The following DCHS2 variants were observed in gnomAD, a reference collection of about 807,000 sequenced individuals.
DCHS2 encodes protocadherin-23.
A neutral mutation model predicts 182.4 loss-of-function variants in DCHS2; 142 were observed. That is an observed-to-expected ratio of 0.78 (90% confidence interval 0.68 to 0.89). The LOEUF is 0.89. Ranked by LOEUF, DCHS2 falls within the 40% of genes least tolerant of loss-of-function variation. The probability of loss-of-function intolerance (pLI) is 0.00; values close to 1 mark genes in which losing one functional copy is unlikely to be tolerated. For synonymous variants in DCHS2, 1,740 were observed against 1,663.3 expected, an observed-to-expected ratio of 1.05 and a Z score of -1.12; for missense variants, 4,319 against 4,198.6, an observed-to-expected ratio of 1.03 and a Z score of -0.79.
rs372781313 is a variant in DCHS2 at position 154,239,262 on chromosome 4, A to C, written c.7400T>G (p.Leu2467Arg). ...TTCTAAGTCTGTGGCTGACAGAGTC[A>C]GCACTGAATACCCCACAGGTATTGA... ...PESIPVGYSV[L>R]TLSATDLESN... Residue 2467 changes from leucine to arginine, a missense_variant, in exon 19 of 20, where the codon CTG (leucine) becomes CGG (arginine). Leu to Arg is a moderately radical substitution (Grantham distance 102). Coordinates refer to ENST00000357232, the MANE Select transcript of DCHS2 (RefSeq NM_001358235.2). 107 of 1,613,436 alleles carry C rather than the reference A, an allele frequency of 6.6e-5. No individual in the cohort carries two copies. The highest frequency in any genetic ancestry group is 8.6e-5 in the Non-Finnish European group (102 of 1,179,722).
At chr4:154,481,979 G>A (rs1222872174) in intron 1 of DCHS2, among the ~76,000 whole-genome samples, 1 of 152,174 alleles carries the variant, frequency 6.6e-6, no homozygotes, top group African/African-American at 2.4e-5. Flanking sequence ...TGGACTCTGA[G>A]ATCTGCATGT....
chr4:154,375,626 T>A (rs1487820513), intron 2 of DCHS2, among the ~76,000 whole-genome samples: 1 of 152,166 alleles, frequency 6.6e-6, no homozygotes, highest in African/African-American at 2.4e-5. Flanking sequence ...CCCAGTGTGA[T>A]ATATCATTAC....
At chr4:154,313,496 A>AT (rs964762172) in intron 10 of DCHS2, among the ~76,000 whole-genome samples, 4 of 152,150 alleles carry the variant, frequency 2.6e-5, no homozygotes, top group African/African-American at 4.8e-5. Flanking sequence ...ACACTGTGGT[A>AT]TTTTTTTAAA....
At chr4:154,332,018 C>T (rs1381876176) in intron 5 of DCHS2, among the ~76,000 whole-genome samples, 2 of 152,152 alleles carry the variant, frequency 1.3e-5, no homozygotes, top group African/African-American at 4.8e-5. Flanking sequence ...GAAATCTTAA[C>T]CAATGAATTG....
intron 8 of DCHS2, 117 bp from the exon 9 acceptor site, chr4:154,321,339 T>C: frequency 8.8e-7 from 1 of 1,135,052 alleles, no homozygotes; most frequent in Non-Finnish European, 1.2e-6. Flanking sequence ...CATATGTTAA[T>C]TAGTGAGAAA....
At chr4:154,291,109 G>T (rs75698111) in intron 13 of DCHS2, among the ~76,000 whole-genome samples, 2 of 152,026 alleles carry the variant, frequency 1.3e-5, no homozygotes, top group African/African-American at 4.8e-5. Flanking sequence ...CTAATAATCC[G>T]ATTAAAAAAT....
At chr4:154,279,030 A>T (rs186335258) in intron 13 of DCHS2, among the ~76,000 whole-genome samples, 62 of 152,312 alleles carry the variant, frequency 4.1e-4, no homozygotes, top group African/African-American at 1.4e-3. Flanking sequence ...AGATAAAAGA[A>T]TAAAAATATA....
chr4:154,278,346 G>A (rs1207224010), intron 13 of DCHS2, among the ~76,000 whole-genome samples: 8 of 151,962 alleles, frequency 5.3e-5, no homozygotes, highest in African/African-American at 1.9e-4. Flanking sequence ...ATGAAGAAAA[G>A]TGAAGGAAGC....
chr4:154,304,743 G>A lies in DCHS2; in HGVS notation c.5531C>T (p.Pro1844Leu), dbSNP rs1334991054. 4.3e-6 allele frequency: 7 copies of A among 1,614,024 alleles called. No homozygotes were observed. The highest frequency in any genetic ancestry group is 5.9e-6 in the Non-Finnish European group (7 of 1,179,972). The change falls in exon 12 of 20, where the codon CCA (proline) becomes CTA (leucine). Residue 1844 changes from proline (P) to leucine (L), a missense_variant. Pro to Leu is a moderately conservative substitution (Grantham distance 98). Coordinates refer to ENST00000357232, the MANE Select transcript of DCHS2 (RefSeq NM_001358235.2). ...YDIEVLENQE[P>L]EVVYTVLASD... is the part of the protein sequence containing the mutation. ...GGCTAAAACCGTATAGACAACCTCT[G>A]GTTCCTGGTTTTCCAGAACCTCAAT...
At chr4:154,266,518 T>A (rs1733271439) in intron 14 of DCHS2, among the ~76,000 whole-genome samples, 1 of 151,920 alleles carries the variant, frequency 6.6e-6, no homozygotes. Context: ...TACCTGGGTG[T>A]GGTGGCGCAT....
At chr4:154,372,196 G>T (rs1730677182) in intron 2 of DCHS2, among the ~76,000 whole-genome samples, 1 of 152,134 alleles carries the variant, frequency 6.6e-6, no homozygotes, top group African/African-American at 2.4e-5. Context: ...ACGGGACAAT[G>T]GGGGGATGGG....
At chr4:154,372,633 A>G (rs1277600545) in intron 2 of DCHS2, among the ~76,000 whole-genome samples, 1 of 152,224 alleles carries the variant, frequency 6.6e-6, no homozygotes, top group Non-Finnish European at 1.5e-5. Context: ...GAATGGGAAA[A>G]GGAAACAAAA....
intron 1 of DCHS2, among the ~76,000 whole-genome samples, chr4:154,389,105 G>A (rs964648696): frequency 1.3e-5 from 2 of 152,160 alleles, no homozygotes; most frequent in Non-Finnish European, 1.5e-5. Context: ...TGAAAGAGCC[G>A]TGGACAATAA....
rs575816431 is a variant in DCHS2 at position 154,489,805 on chromosome 4, C to T, written c.1551G>A (p.Pro517=). 3 of 1,551,558 alleles carry T rather than the reference C, an allele frequency of 1.9e-6. No individual in the cohort carries two copies. Among genetic ancestry groups the T allele is most frequent in the East Asian group, 2.4e-5 (1 of 40,872 alleles). ...LLLVATDAGS[P]PLSTEETLLL... ...GCAGCGTCTCCTCCGTGCTCAGCGG[C>T]GGGGACCCCGCGTCCGTGGCCACCA... Residue 517 remains proline (P), a synonymous_variant, in exon 1 of 20, where the codon CCG becomes CCA. Transcript: ENST00000357232.
At chr4:154,420,950 G>A (rs1209064986) in intron 1 of DCHS2, among the ~76,000 whole-genome samples, 2 of 152,106 alleles carry the variant, frequency 1.3e-5, no homozygotes, top group Admixed American at 1.3e-4. Flanking sequence ...CAAATTACTA[G>A]TGCCTACTTG....
chr4:154,487,699 C>T (rs1728638203), intron 1 of DCHS2, among the ~76,000 whole-genome samples: 1 of 152,200 alleles, frequency 6.6e-6, no homozygotes, highest in South Asian at 2.1e-4. Context: ...AAAGCTAAAG[C>T]CTGAACTCCC....
intron 1 of DCHS2, among the ~76,000 whole-genome samples, chr4:154,452,831 T>C (rs974130298): frequency 7.2e-5 from 11 of 152,192 alleles, no homozygotes; most frequent in Non-Finnish European, 1.6e-4. Context: ...TTGAGTATGA[T>C]AGAACCAGGC....
intron 3 of DCHS2, among the ~76,000 whole-genome samples, chr4:154,356,427 A>G (rs1028684576): frequency 6.6e-6 from 1 of 152,140 alleles, no homozygotes; most frequent in African/African-American, 2.4e-5. Context: ...ATTTAAAGAA[A>G]TTTGATGTAG....
intron 1 of DCHS2, among the ~76,000 whole-genome samples, chr4:154,463,288 A>G (rs1212479457): frequency 1.3e-5 from 2 of 151,994 alleles, no homozygotes; most frequent in Non-Finnish European, 1.5e-5. Flanking sequence ...TTCTAAATCA[A>G]TATACATAAA....
Sources: gnomAD v4.1 joint callset for allele counts (sites outside exome capture counted in the v4.1 genomes callset) on GRCh38, gnomAD v4.1.1 for gene constraint, MANE v1.5 for transcripts, NCBI Gene and HGNC (gene_info 2026-07-23, HGNC 2026-07-21) for gene names.